The following ADGRV1 variants were observed in gnomAD, a reference collection of about 807,000 sequenced individuals.
ADGRV1 encodes G-protein coupled receptor 98.
ADGRV1 carries 359 observed loss-of-function variants against 596.2 expected under a neutral mutation model. That is an observed-to-expected ratio of 0.60 (90% CI 0.55 to 0.66). The LOEUF is 0.66. Ranked by LOEUF, ADGRV1 falls within the 30% of genes least tolerant of loss-of-function variation. ADGRV1 has a pLI of 0.00. For synonymous variants in ADGRV1, 2,681 were observed against 2,679.2 expected, an observed-to-expected ratio of 1.00 and a Z score of -0.02; for missense variants, 7,274 against 7,575.6, an observed-to-expected ratio of 0.96 and a Z score of 1.48.
intron 76 of ADGRV1, among the ~76,000 whole-genome samples, chr5:90,825,651 A>G (rs78460165): frequency 0.03 from 4,635 of 152,288 alleles, 228 homozygotes; most frequent in African/African-American, 0.11. Context: ...GGGCTTGGGC[A>G]AGCTGAATAA....
In ADGRV1 at chr5:90,920,437, T is replaced by C. The variant is rs16876835; in HGVS notation, c.17857-44978T>C. On this transcript the variant is annotated intron_variant, in intron 83 of 89. Coordinates refer to ENST00000405460, the MANE Select transcript of ADGRV1 (RefSeq NM_032119.4). The stretch of plus-strand genomic sequence containing the variant: ...TTTTGAAAATGGTTTACTGGCTTCC[T>C]AAATTTAAAAAAAAATTTCTCTTCA... 1.1e-3 allele frequency among the ~76,000 whole-genome samples: 161 copies of C among 152,280 alleles called. 2 individuals carry two copies. The highest frequency in any genetic ancestry group is 3.7e-3 in the African/African-American group (154 of 41,572).
At chr5:90,700,533 C>A (rs188012638) in intron 34 of ADGRV1, among the ~76,000 whole-genome samples, 7 of 152,242 alleles carry the variant, frequency 4.6e-5, no homozygotes, top group Admixed American at 3.9e-4. Flanking sequence ...TGGTTGCACA[C>A]TGGGTATAAA....
intron 87 of ADGRV1, among the ~76,000 whole-genome samples, chr5:91,129,412 T>C (rs1794029076): frequency 6.6e-6 from 1 of 152,184 alleles, no homozygotes; most frequent in African/African-American, 2.4e-5. Context: ...ATGGGTAGGG[T>C]ATAGTACTGT....
intron 84 of ADGRV1, among the ~76,000 whole-genome samples, chr5:90,981,982 A>C (rs929200117): frequency 6.0e-5 from 9 of 149,864 alleles, no homozygotes; most frequent in Non-Finnish European, 1.2e-4. Context: ...TACTTACTTG[A>C]GAGGCTGAGG....
intron 76 of ADGRV1, 52 bp from the exon 77 acceptor site, chr5:90,828,892 G>A: frequency 8.0e-7 from 1 of 1,251,338 alleles, no homozygotes; most frequent in Non-Finnish European, 1.1e-6. Context: ...ACTATCTACA[G>A]ATAGAAATAT....
At chr5:90,990,295 C>T (rs1780858713) in intron 85 of ADGRV1, among the ~76,000 whole-genome samples, 1 of 152,292 alleles carries the variant, frequency 6.6e-6, no homozygotes. Flanking sequence ...GGTAGACTCA[C>T]AACCCTTCAT....
chr5:90,811,766 T>C (rs1762459091), intron 74 of ADGRV1, among the ~76,000 whole-genome samples: 1 of 152,054 alleles, frequency 6.6e-6, no homozygotes. Flanking sequence ...ATTTAAACTG[T>C]TGCCTTTTGT....
At chr5:91,049,270 A>C in intron 85 of ADGRV1, among the ~76,000 whole-genome samples, 1 of 152,132 alleles carries the variant, frequency 6.6e-6, no homozygotes, top group Non-Finnish European at 1.5e-5. Flanking sequence ...TGGATTTGTC[A>C]CTGGTTTATC....
intron 85 of ADGRV1, among the ~76,000 whole-genome samples, chr5:90,994,917 ACTT>A (rs921638890): frequency 1.3e-5 from 2 of 152,206 alleles, no homozygotes; most frequent in Admixed American, 6.5e-5. Context: ...TTGGGGCATG[ACTT>A]CAACACTCTA....
At chr5:91,021,301 T>G (rs891624561) in intron 85 of ADGRV1, among the ~76,000 whole-genome samples, 9 of 152,104 alleles carry the variant, frequency 5.9e-5, no homozygotes, top group African/African-American at 2.2e-4. Flanking sequence ...TACCAGCAAG[T>G]AAGATATGAC....
At chr5:90,735,296 G>A (rs111446870) in intron 50 of ADGRV1, among the ~76,000 whole-genome samples, 228 of 152,132 alleles carry the variant, frequency 1.5e-3, no homozygotes, top group African/African-American at 5.2e-3. Flanking sequence ...TGTGTTCTTG[G>A]CACCTTTGTC....
At chr5:91,133,117 T>C (rs1794347911) in intron 87 of ADGRV1, among the ~76,000 whole-genome samples, 1 of 152,218 alleles carries the variant, frequency 6.6e-6, no homozygotes, top group Non-Finnish European at 1.5e-5. Context: ...TTTCTTTTTC[T>C]TAACTTTTAT....
At chr5:90,778,727 T>G (rs1758525985) in intron 63 of ADGRV1, 118 bp downstream of exon 63, 1 of 1,043,814 alleles carries the variant, frequency 9.6e-7, no homozygotes, top group African/African-American at 1.6e-5. Flanking sequence ...ACATCATTAT[T>G]TTAACATATA....
At chr5:90,595,157 G>T (rs1472404044) in intron 1 of ADGRV1, among the ~76,000 whole-genome samples, 12 of 99,844 alleles carry the variant, frequency 1.2e-4, no homozygotes, top group African/African-American at 4.5e-4. Flanking sequence ...CTGGCCGGGT[G>T]GGGGGCTGAC....
intron 9 of ADGRV1, among the ~76,000 whole-genome samples, chr5:90,633,159 G>T (rs11954754): frequency 0.057 from 8,690 of 152,172 alleles, 825 homozygotes; most frequent in African/African-American, 0.2. Context: ...CTTTATGAAT[G>T]AATAGAGCAG....
At chr5:90,883,969 C>T (rs1346340881) in intron 83 of ADGRV1, among the ~76,000 whole-genome samples, 2 of 152,178 alleles carry the variant, frequency 1.3e-5, no homozygotes, top group African/African-American at 4.8e-5. Flanking sequence ...CCTTATTCCT[C>T]ATTACTTCCC....
In ADGRV1 at chr5:91,078,061, T is replaced by C. The variant is rs576003442; in HGVS notation, c.18310+5457T>C. The stretch of plus-strand genomic sequence containing the variant: ...AAATGTGGCTGGATCCAGCTAGTCA[T>C]GTAATGTGAACCTGAGGTATTTAGA... On this transcript the variant is annotated intron_variant, in intron 86 of 89. Transcript: ENST00000405460. Among the ~76,000 whole-genome samples the C allele has an allele frequency of 1.1e-4, 16 of 152,280 alleles. No individual in the cohort carries two copies. The South Asian group carries it at 2.9e-3, about 28-fold the overall frequency.
At chr5:90,740,620 G>A (rs886726174) in intron 50 of ADGRV1, among the ~76,000 whole-genome samples, 4 of 152,094 alleles carry the variant, frequency 2.6e-5, no homozygotes, top group African/African-American at 9.7e-5. Flanking sequence ...AGGCAGAGCC[G>A]CCACCAAGAT....
intron 83 of ADGRV1, among the ~76,000 whole-genome samples, chr5:90,873,782 C>T (rs1768942842): frequency 7.1e-6 from 1 of 141,054 alleles, no homozygotes; most frequent in South Asian, 2.4e-4. Flanking sequence ...GCAATAAAGA[C>T]CTTGTCTCTT....
Sources: allele counts gnomAD v4.1 joint callset (sites outside exome capture counted in the v4.1 genomes callset), GRCh38; gene constraint gnomAD v4.1.1; transcripts MANE v1.5; gene names NCBI Gene and HGNC (gene_info 2026-07-23, HGNC 2026-07-21).